The following ADGRB3 variants were observed in gnomAD, a reference collection of about 807,000 sequenced individuals.
ADGRB3 encodes the protein brain-specific angiogenesis inhibitor 3.
Under a neutral mutation model 193.4 loss-of-function variants are expected in ADGRB3, and 37 were observed. The ratio of observed to expected loss-of-function variants is 0.19; its 90% CI spans 0.15 to 0.25. The LOEUF (loss-of-function observed/expected upper bound fraction) is 0.25, where lower values mean the gene tolerates loss of function less well. ADGRB3 is among the 10% of genes least tolerant of loss of function. The pLI, the probability that ADGRB3 is intolerant of heterozygous loss-of-function variation, is 1.00. For synonymous variants in ADGRB3, 690 were observed against 644.2 expected (o/e 1.07, Z -1.08); for missense variants, 1,637 against 1,852.9 (o/e 0.88, Z 2.14).
At chr6:68,795,308 TAAAC>T (rs1767185285) in intron 3 of ADGRB3, among the ~76,000 whole-genome samples, 2 of 152,170 alleles carry the variant, frequency 1.3e-5, no homozygotes, top group Non-Finnish European at 2.9e-5. Flanking sequence ...TTATCTTTGA[TAAAC>T]TATAGGTAAA....
rs1378472257 is a variant in ADGRB3 at position 69,361,202 on chromosome 6, T to A, written c.3929T>A (p.Val1310Glu). 1 of 1,612,712 alleles carries A rather than the reference T, an allele frequency of 6.2e-7. No individual in the cohort carries two copies. The highest frequency in any genetic ancestry group is 1.7e-5 in the Admixed American group (1 of 59,808). Reference protein sequence around the residue: ...QERMMESDYIVMPRSSVNNQP... With the variant: ...QERMMESDYIEMPRSSVNNQP... ...AGAATGATGGAAAGTGACTATATTG[T>A]GATGCCCAGAAGTTCTGTAAATAAC... The change falls in exon 29 of 32, where the codon GTG becomes GAG. Residue 1310 changes from valine (V) to glutamate (E), a missense_variant. Physicochemically the swap from Val to Glu is moderately radical, Grantham distance 121 (BLOSUM62 -2). Around this residue, in one of 7 missense-constraint regions of ADGRB3, gnomAD observed 368 missense variants for 367.4 expected, o/e 1.00. Transcript: ENST00000370598.
At chr6:68,768,091 A>T (rs894416379) in intron 3 of ADGRB3, among the ~76,000 whole-genome samples, 2 of 152,194 alleles carry the variant, frequency 1.3e-5, no homozygotes, top group African/African-American at 4.8e-5. Context: ...GGAAGAATCA[A>T]TGTTGTGAAA....
At chr6:68,929,984 G>C (rs2150245982) in intron 3 of ADGRB3, among the ~76,000 whole-genome samples, 1 of 151,528 alleles carries the variant, frequency 6.6e-6, no homozygotes, top group Middle Eastern at 3.4e-3. Flanking sequence ...AATTGGGGCA[G>C]GGAAGGAAAT....
At chr6:69,286,505 A>G (rs114036460) in intron 20 of ADGRB3, among the ~76,000 whole-genome samples, 1 of 152,322 alleles carries the variant, frequency 6.6e-6, no homozygotes, top group African/African-American at 2.4e-5. Flanking sequence ...TGTGTGCCAG[A>G]CATTGCAGGT....
At chr6:68,876,924 C>T (rs1398660144) in intron 3 of ADGRB3, among the ~76,000 whole-genome samples, 1 of 151,936 alleles carries the variant, frequency 6.6e-6, no homozygotes, top group Admixed American at 6.6e-5. Flanking sequence ...TGTACACACC[C>T]ATAATGCATT....
At chr6:69,366,277 A>G (rs1408526881) in intron 29 of ADGRB3, among the ~76,000 whole-genome samples, 3 of 152,070 alleles carry the variant, frequency 2.0e-5, no homozygotes, top group Non-Finnish European at 4.4e-5. Context: ...TTTAAAAATT[A>G]ATTATTCTCA....
At chr6:68,838,418 G>T (rs12200743) in intron 3 of ADGRB3, among the ~76,000 whole-genome samples, 20,402 of 152,062 alleles carry the variant, frequency 0.13, 1,821 homozygotes, top group Non-Finnish European at 0.2. Flanking sequence ...GTATTAAAAA[G>T]AAACAAAGAA....
intron 11 of ADGRB3, among the ~76,000 whole-genome samples, chr6:69,000,766 C>T (rs1769553245): frequency 6.6e-6 from 1 of 152,166 alleles, no homozygotes; most frequent in South Asian, 2.1e-4. Context: ...CCACAGTTGG[C>T]TATGATGGTG....
chr6:68,802,304 C>G (rs1208588598), intron 3 of ADGRB3, among the ~76,000 whole-genome samples: 1 of 151,770 alleles, frequency 6.6e-6, no homozygotes, highest in African/African-American at 2.4e-5. Flanking sequence ...CTCTTGGAAA[C>G]AAGAGCAGGA....
At chr6:69,337,779 CAAGT>C (rs1768884739) in intron 24 of ADGRB3, among the ~76,000 whole-genome samples, 1 of 152,154 alleles carries the variant, frequency 6.6e-6, no homozygotes, top group African/African-American at 2.4e-5. Context: ...GCACTATTCA[CAAGT>C]GAGTACCCTT....
chr6:68,738,127 T>C (rs1765907156), intron 3 of ADGRB3, among the ~76,000 whole-genome samples: 1 of 152,168 alleles, frequency 6.6e-6, no homozygotes, highest in Non-Finnish European at 1.5e-5. Context: ...ATAAGGGTTC[T>C]CATCAGAAGA....
intron 20 of ADGRB3, among the ~76,000 whole-genome samples, chr6:69,259,085 A>G (rs1245321529): frequency 6.6e-6 from 1 of 152,210 alleles, no homozygotes; most frequent in Non-Finnish European, 1.5e-5. Flanking sequence ...TTAATATTAA[A>G]CACTTTGACC....
At chr6:68,830,009 G>C (rs1418585179) in intron 3 of ADGRB3, among the ~76,000 whole-genome samples, 1 of 152,098 alleles carries the variant, frequency 6.6e-6, no homozygotes, top group Non-Finnish European at 1.5e-5. Context: ...AATATACTTT[G>C]TTTAAGGGAG....
At chr6:68,724,527 A>C (rs1765639318) in intron 3 of ADGRB3, among the ~76,000 whole-genome samples, 1 of 151,616 alleles carries the variant, frequency 6.6e-6, no homozygotes, top group Non-Finnish European at 1.5e-5. Flanking sequence ...AAAGCCCACA[A>C]AATTTGTATT....
At chr6:69,271,353 A>G (rs1767171272) in intron 20 of ADGRB3, among the ~76,000 whole-genome samples, 1 of 152,212 alleles carries the variant, frequency 6.6e-6, no homozygotes, top group African/African-American at 2.4e-5. Flanking sequence ...ATTACATTCA[A>G]TAAATGAATG....
chr6:69,234,123 G>A (rs151142075), intron 18 of ADGRB3, among the ~76,000 whole-genome samples: 25 of 152,202 alleles, frequency 1.6e-4, no homozygotes, highest in African/African-American at 6.0e-4. Flanking sequence ...GCCTAAATAA[G>A]CATCACTCTT....
chr6:69,007,706 C>T (rs1300489584), intron 11 of ADGRB3, among the ~76,000 whole-genome samples: 1 of 151,402 alleles, frequency 6.6e-6, no homozygotes. Context: ...CACACACACA[C>T]ACACACACAC....
chr6:69,164,101 G>A (rs915905453), intron 17 of ADGRB3, among the ~76,000 whole-genome samples: 8 of 151,934 alleles, frequency 5.3e-5, no homozygotes, highest in African/African-American at 1.9e-4. Flanking sequence ...TTTTCCCAAG[G>A]TGAAAGGAGT....
chr6:69,082,506 T>G (rs970419974), intron 17 of ADGRB3, among the ~76,000 whole-genome samples: 1 of 152,126 alleles, frequency 6.6e-6, no homozygotes, highest in Non-Finnish European at 1.5e-5. Context: ...CTATTTTAAC[T>G]TACTTTCAGT....
Sources: allele counts gnomAD v4.1 joint callset (sites outside exome capture counted in the v4.1 genomes callset), GRCh38; gene constraint gnomAD v4.1.1; regional missense constraint gnomAD v4.1.1; transcripts MANE v1.5; gene names NCBI Gene and HGNC (gene_info 2026-07-23, HGNC 2026-07-21).